GIN1: variants seen among roughly 807,000 people sequenced by gnomAD.
GIN1 encodes gypsy retrotransposon integrase 1, also known as gypsy retrotransposon integrase-like protein 1.
Under a neutral mutation model 51.4 loss-of-function variants are expected in GIN1, and 41 were observed. The observed-to-expected ratio is 0.80, with a 90% CI of 0.62 to 1.04. The LOEUF (loss-of-function observed/expected upper bound fraction) is 1.04, where lower values mean the gene tolerates loss of function less well. Ranked by LOEUF, GIN1 falls within the 50% of genes least tolerant of loss-of-function variation. GIN1 has a pLI of 0.00. For synonymous variants in GIN1, 222 were observed against 206.5 expected (o/e 1.07, Z -0.64); for missense variants, 610 against 612.4 (o/e 1.00, Z 0.04).
At position 103,097,687 on chromosome 5, in the gene GIN1, G is replaced by A; in HGVS notation, c.734C>T (p.Thr245Ile). 1 of 1,601,122 alleles carries A rather than the reference G, an allele frequency of 6.2e-7. No individual in the cohort carries two copies. Among genetic ancestry groups the A allele is most frequent in the Non-Finnish European group, 8.6e-7 (1 of 1,168,090 alleles). ...GTGTTTGGAGAGAAATGCTTTGATT[G>A]TGTTAGGTGTACTTTCCGTTGGGTT... ...TVNPTESTPNTIKAFLSKHCA... is the reference protein window; with the variant it reads ...TVNPTESTPNIIKAFLSKHCA... Residue 245 changes from threonine to isoleucine, a missense_variant, in exon 5 of 8, where the codon ACA (threonine) becomes ATA (isoleucine). Coordinates refer to ENST00000399004, the MANE Select transcript of GIN1 (RefSeq NM_017676.2).
chr5:103,112,505 G>A, intron 1 of GIN1, among the ~76,000 whole-genome samples: 1 of 152,080 alleles, frequency 6.6e-6, no homozygotes, highest in South Asian at 2.1e-4. Flanking sequence ...TCTACAACCT[G>A]GCAGAACATA....
chr5:103,109,282 A>G (rs1357907828), intron 1 of GIN1, among the ~76,000 whole-genome samples: 1 of 152,084 alleles, frequency 6.6e-6, no homozygotes, highest in Non-Finnish European at 1.5e-5. Flanking sequence ...AATTTTCTTT[A>G]AAATCCCACC....
rs782008771 is a variant in GIN1 at position 103,106,773 on chromosome 5, G to A, written c.276C>T (p.Leu92=). Residue 92 remains leucine, a synonymous_variant, in exon 3 of 8, where the codon CTC becomes CTT. Transcript: ENST00000399004. ...SGAHHGISRT[L]TLVESNYYWT... Reference sequence around the variant, plus strand: ...AATAATAATTGGATTCTACCAGAGTGAGGGTCCTGGATATACCATGATGAG... The same window carrying A: ...AATAATAATTGGATTCTACCAGAGTAAGGGTCCTGGATATACCATGATGAG... 6.2e-7 allele frequency: 1 copy of A among 1,602,842 alleles called. No individual in the cohort carries two copies.
chr5:103,107,224 G>C (rs1332068665), intron 2 of GIN1, among the ~76,000 whole-genome samples: 4 of 152,030 alleles, frequency 2.6e-5, no homozygotes, highest in African/African-American at 9.7e-5. Context: ...AGTACTCAAA[G>C]TAGGAAGATT....
intron 7 of GIN1, among the ~76,000 whole-genome samples, chr5:103,091,828 C>A (rs1283161767): frequency 6.6e-6 from 1 of 151,924 alleles, no homozygotes; most frequent in African/African-American, 2.4e-5. Flanking sequence ...AGTTTGAGAC[C>A]AGCCTGGCCA....
chr5:103,096,009 A>G (rs575719947), intron 7 of GIN1, among the ~76,000 whole-genome samples: 31 of 152,208 alleles, frequency 2.0e-4, no homozygotes, highest in Non-Finnish European at 3.7e-4. Context: ...AAACAAGTTC[A>G]GTATCTCCCA....
intron 1 of GIN1, among the ~76,000 whole-genome samples, chr5:103,109,834 T>C (rs193181334): frequency 1.1e-3 from 171 of 152,242 alleles, no homozygotes; most frequent in Non-Finnish European, 2.1e-3. Flanking sequence ...GGATGAGATT[T>C]AAGACTTTTT....
At chr5:103,092,520 A>C (rs1359535519) in intron 7 of GIN1, among the ~76,000 whole-genome samples, 1 of 152,216 alleles carries the variant, frequency 6.6e-6, no homozygotes, top group African/African-American at 2.4e-5. Flanking sequence ...GATAATCCTC[A>C]AACTATTAGA....
In GIN1 at chr5:103,098,072, G is replaced by A. The variant is rs935718009; in HGVS notation, c.640-291C>T. ...TAATTTTCGTATTTCTAGTAGAGAC[G>A]GGGTTTCACCATATTGGCCAGGCTA... On this transcript the variant is annotated intron_variant, in intron 4 of 7. Coordinates refer to ENST00000399004, the MANE Select transcript of GIN1 (RefSeq NM_017676.2). Among the ~76,000 whole-genome samples, 5 of 152,038 alleles carry A rather than the reference G, an allele frequency of 3.3e-5. No homozygotes were observed. The East Asian group carries it at 9.7e-4, about 29-fold the overall frequency.
Position 103,104,782 on chromosome 5 carries a change from A to T in GIN1, c.398T>A (p.Leu133His). The change falls in exon 4 of 8, where the codon CTT (leucine) becomes CAT (histidine). Residue 133 changes from leucine (L) to histidine (H), a missense_variant. Transcript: ENST00000399004. Reference sequence around the variant, plus strand: ...ACTCCATGGATTTTCCACCTTGAGAAGGTGCTGTTTCGGTGCTACAATAAC... The same window carrying T: ...ACTCCATGGATTTTCCACCTTGAGATGGTGCTGTTTCGGTGCTACAATAAC... ...NTVIVAPKQH[L>H]LKVENPWSLV... The T allele has an allele frequency of 6.2e-7, 1 of 1,612,694 alleles. No homozygotes were observed. The highest frequency in any genetic ancestry group is 8.5e-7 in the Non-Finnish European group (1 of 1,178,832).
intron 4 of GIN1, among the ~76,000 whole-genome samples, chr5:103,103,326 G>C (rs1554195959): frequency 6.6e-6 from 1 of 152,190 alleles, no homozygotes; most frequent in African/African-American, 2.4e-5. Context: ...ACTTGTACCT[G>C]GTTCTCCCAA....
chr5:103,101,285 A>T (rs183685), intron 4 of GIN1, among the ~76,000 whole-genome samples: 1 of 152,266 alleles, frequency 6.6e-6, no homozygotes, highest in South Asian at 2.1e-4. Flanking sequence ...TATGCTAGAC[A>T]AAGAGATGAT....
chr5:103,101,874 C>T (rs1554195829), intron 4 of GIN1, among the ~76,000 whole-genome samples: 1 of 152,168 alleles, frequency 6.6e-6, no homozygotes, highest in African/African-American at 2.4e-5. Flanking sequence ...GTTCCAATAG[C>T]CTTCCCCCAA....
At chr5:103,105,427 A>G (rs1465791542) in intron 3 of GIN1, among the ~76,000 whole-genome samples, 2 of 152,238 alleles carry the variant, frequency 1.3e-5, no homozygotes, top group Non-Finnish European at 2.9e-5. Context: ...ATGTAAATTT[A>G]CAATAATTTC....
intron 1 of GIN1, among the ~76,000 whole-genome samples, chr5:103,111,272 G>C (rs1787875136): frequency 6.6e-6 from 1 of 151,612 alleles, no homozygotes; most frequent in Non-Finnish European, 1.5e-5. Flanking sequence ...CAAGTCTAAG[G>C]GACAGAAACC....
At chr5:103,104,510 C>T in intron 4 of GIN1, 31 bp downstream of exon 4, 3 of 1,092,406 alleles carry the variant, frequency 2.7e-6, no homozygotes, top group Non-Finnish European at 4.1e-6. Flanking sequence ...GTAAGATATG[C>T]TCCCAGACCT....
At chr5:103,090,440 C>T (rs1036404271) in intron 7 of GIN1, among the ~76,000 whole-genome samples, 5 of 152,162 alleles carry the variant, frequency 3.3e-5, no homozygotes, top group South Asian at 2.1e-4. Context: ...ACTGTTAATA[C>T]GAGAGAAGGC....
intron 4 of GIN1, among the ~76,000 whole-genome samples, chr5:103,100,546 C>A (rs1454469483): frequency 6.6e-6 from 1 of 151,882 alleles, no homozygotes; most frequent in Non-Finnish European, 1.5e-5. Context: ...TGTGCAACAC[C>A]ACGTCCAGTT....
chr5:103,091,466 T>C (rs1787235812), intron 7 of GIN1, among the ~76,000 whole-genome samples: 1 of 152,218 alleles, frequency 6.6e-6, no homozygotes, highest in East Asian at 1.9e-4. Flanking sequence ...AGGTCTTTTC[T>C]AGTCAGCTAC....
Sources: gnomAD v4.1 joint callset for allele counts (sites outside exome capture counted in the v4.1 genomes callset) on GRCh38, gnomAD v4.1.1 for gene constraint, MANE v1.5 for transcripts, NCBI Gene and HGNC (gene_info 2026-07-23, HGNC 2026-07-21) for gene names.